FAM168B: variants seen among roughly 807,000 people sequenced by gnomAD.
FAM168B encodes the protein myelin-associated neurite-outgrowth inhibitor.
FAM168B carries 19 observed loss-of-function variants against 21.8 expected under a neutral mutation model. The ratio of observed to expected loss-of-function variants is 0.87; its 90% CI spans 0.61 to 1.28. The LOEUF (loss-of-function observed/expected upper bound fraction) is 1.28. Among genes scored for constraint, FAM168B ranks in the 50% most tolerant of loss-of-function variants. The probability of loss-of-function intolerance (pLI) is 0.00; values close to 1 mark genes in which losing one functional copy is unlikely to be tolerated. For synonymous variants in FAM168B, 126 were observed against 104.8 expected (o/e 1.20, Z -1.24); for missense variants, 233 against 263.1 (o/e 0.89, Z 0.79).
chr2:131,066,229 G>A (rs933585064), intron 3 of FAM168B, among the ~76,000 whole-genome samples: 2 of 150,078 alleles, frequency 1.3e-5, no homozygotes, highest in East Asian at 2.0e-4. Context: ...GCAGTGGTGC[G>A]ATCTCGATCT....
chr2:131,078,805 A>T (rs2105554122), intron 2 of FAM168B, among the ~76,000 whole-genome samples: 1 of 151,754 alleles, frequency 6.6e-6, no homozygotes, highest in South Asian at 2.1e-4. Context: ...ACACAGTGAG[A>T]CCCGATCTCT....
intron 1 of FAM168B, among the ~76,000 whole-genome samples, chr2:131,089,285 T>C (rs573063565): frequency 2.6e-5 from 4 of 151,874 alleles, no homozygotes; most frequent in Non-Finnish European, 4.4e-5. Flanking sequence ...ACATTTTTAG[T>C]TTCCCATTTG....
chr2:131,082,747 C>T, intron 1 of FAM168B, 90 bp from the exon 2 acceptor site: 1 of 748,932 alleles, frequency 1.3e-6, no homozygotes, highest in Non-Finnish European at 2.2e-6. Context: ...AGCTAGAGTC[C>T]TTTCTCTAGG....
intron 3 of FAM168B, among the ~76,000 whole-genome samples, chr2:131,061,001 A>C (rs1195355335): frequency 3.3e-5 from 5 of 150,338 alleles, no homozygotes; most frequent in Admixed American, 6.6e-5. Flanking sequence ...ACAGGCGCCC[A>C]CCACCAAGCC....
In FAM168B at chr2:131,082,610, G is replaced by A; in HGVS notation, c.37C>T (p.Pro13Ser). The change falls in exon 2 of 7, where the codon CCC becomes TCC. Residue 13 changes from proline to serine, a missense_variant. By Grantham distance (74) the Pro-to-Ser change is moderately conservative. Coordinates refer to ENST00000389915, the MANE Select transcript of FAM168B (RefSeq NM_001009993.4). ...PVYSPGSSGVPYANAKGIGYP... is the reference protein window; with the variant it reads ...PVYSPGSSGVSYANAKGIGYP... ...CCAATTCCTTTGGCATTTGCATAGG[G>A]AACCCCAGAAGATCCAGGACTATAA... 2.5e-6 allele frequency: 4 copies of A among 1,609,934 alleles called. No individual in the cohort carries two copies. Among genetic ancestry groups the A allele is most frequent in the Non-Finnish European group, 3.4e-6 (4 of 1,178,540 alleles).
chr2:131,077,712 T>C (rs534099261), intron 2 of FAM168B, among the ~76,000 whole-genome samples: 2 of 152,216 alleles, frequency 1.3e-5, no homozygotes, highest in Admixed American at 1.3e-4. Flanking sequence ...ACATGGGTTT[T>C]GGTGATCTTG....
intron 3 of FAM168B, among the ~76,000 whole-genome samples, chr2:131,058,136 C>T (rs1692116755): frequency 6.6e-6 from 1 of 152,040 alleles, no homozygotes; most frequent in South Asian, 2.1e-4. Context: ...ATATATGTGC[C>T]TGGTCCATAT....
chr2:131,057,179 C>T (rs1692069970), intron 3 of FAM168B, among the ~76,000 whole-genome samples: 1 of 152,234 alleles, frequency 6.6e-6, no homozygotes, highest in Non-Finnish European at 1.5e-5. Flanking sequence ...CAGCAATCCA[C>T]TCCCAAAACT....
rs569879869 is a variant in FAM168B at position 131,052,270 on chromosome 2, C to T, written c.*195G>A. ...CAGGCAGTCCACAAAACAGAATTTG[C>T]TTTAAGACCAACCCACAGAGTCAGC... On this transcript the variant is annotated 3_prime_UTR_variant, in exon 7 of 7. Coordinates refer to ENST00000389915, the MANE Select transcript of FAM168B (RefSeq NM_001009993.4). 7.3e-5 allele frequency: 72 copies of T among 985,796 alleles called. No individual in the cohort carries two copies. The highest frequency in any genetic ancestry group is 8.3e-5 in the Non-Finnish European group (69 of 829,982). 61.1% of individuals were successfully genotyped at this position (985,796 alleles called of 1,614,324 possible).
At chr2:131,079,696 A>C (rs1693336644) in intron 2 of FAM168B, among the ~76,000 whole-genome samples, 1 of 152,130 alleles carries the variant, frequency 6.6e-6, no homozygotes, top group Admixed American at 6.6e-5. Flanking sequence ...TAACCCACCA[A>C]GTTTGTGGTT....
chr2:131,058,762 TAAG>T (rs1371716943), intron 3 of FAM168B, among the ~76,000 whole-genome samples: 2 of 152,194 alleles, frequency 1.3e-5, no homozygotes, highest in Non-Finnish European at 2.9e-5. Flanking sequence ...TCCTCGTCTT[TAAG>T]AAGGCTAAAA....
rs1439218354 is a variant in FAM168B, at chr2:131,050,965, T to G, written c.*1500A>C. 6 of 985,378 alleles carry G rather than the reference T, an allele frequency of 6.1e-6. No homozygotes were observed. In the African/African-American group the frequency reaches 8.7e-5, roughly 14 times the overall value. The allele number at this position is 985,378 out of a possible 1,614,324, so 61.0% of individuals were successfully genotyped here. On this transcript the variant is annotated 3_prime_UTR_variant, in exon 7 of 7. Coordinates refer to ENST00000389915, the MANE Select transcript of FAM168B (RefSeq NM_001009993.4). ...CACTGAGAACCGACATGCACTCTCATGGATACAGGACGGGCATATTTTGGG... is the reference window on the plus strand; with the variant it reads ...CACTGAGAACCGACATGCACTCTCAGGGATACAGGACGGGCATATTTTGGG...
intron 5 of FAM168B, among the ~76,000 whole-genome samples, chr2:131,054,584 G>A (rs981766317): frequency 2.6e-5 from 4 of 152,200 alleles, no homozygotes; most frequent in Non-Finnish European, 4.4e-5. Context: ...GGAGGGAACA[G>A]TACGCTTTTG....
At position 131,055,317 on chromosome 2, in the gene FAM168B, C is replaced by A. The variant is rs1558940814; in HGVS notation, c.430G>T (p.Val144Phe). 1.9e-6 allele frequency: 3 copies of A among 1,585,172 alleles called. No individual in the cohort carries two copies. The highest frequency in any genetic ancestry group is 2.6e-6 in the Non-Finnish European group (3 of 1,170,672). Residue 144 changes from valine (V) to phenylalanine (F), a missense_variant, in exon 5 of 7, where the codon GTC (valine) becomes TTC (phenylalanine). Val to Phe is a conservative substitution (Grantham distance 50). Transcript: ENST00000389915. ...GTCCCAGCCACCATGCCCATGGTGA[C>A]CCCGTTGCCTCTAGGAGGGGGGATG... Reference protein sequence around the residue: ...APIPPPRGNGVTMGMVAGTTM... With the variant: ...APIPPPRGNGFTMGMVAGTTM...
At chr2:131,091,396 A>C (rs1694020201) in intron 1 of FAM168B, among the ~76,000 whole-genome samples, 1 of 151,934 alleles carries the variant, frequency 6.6e-6, no homozygotes, top group Admixed American at 6.6e-5. Flanking sequence ...TGGTGTCTCC[A>C]GCACTTTGGG....
chr2:131,056,067 T>C (rs78081663), intron 3 of FAM168B, among the ~76,000 whole-genome samples: 254 of 152,304 alleles, frequency 1.7e-3, no homozygotes, highest in African/African-American at 5.8e-3. Context: ...AATCCCACAA[T>C]TCCACTTCTA....
Position 131,050,964 on chromosome 2 carries a change from A to G in FAM168B, c.*1501T>C, listed in dbSNP as rs1691634088. ...TCACTGAGAACCGACATGCACTCTC[A>G]TGGATACAGGACGGGCATATTTTGG... On this transcript the variant is annotated 3_prime_UTR_variant, in exon 7 of 7. Transcript: ENST00000389915. 1.0e-5 allele frequency: 10 copies of G among 984,376 alleles called. No homozygotes were observed. The highest frequency in any genetic ancestry group is 4.7e-5 in the South Asian group (1 of 21,274). 61.0% of individuals were successfully genotyped at this position (984,376 alleles called of 1,614,324 possible). A position where few individuals can be genotyped will look rare whatever the true frequency, so the allele number is the denominator to read the frequency against.
rs567670679 is a variant in FAM168B, at chr2:131,051,671, T to C, written c.*794A>G. ...AAGAGAACTGTAATGAAAATTTAGA[T>C]AGCAGAGAAACTGCTTTGCTGACAC... On this transcript the variant is annotated 3_prime_UTR_variant, in exon 7 of 7. Coordinates refer to ENST00000389915, the MANE Select transcript of FAM168B (RefSeq NM_001009993.4). The C allele has an allele frequency of 9.1e-6, 9 of 985,308 alleles. No homozygotes were observed. The highest frequency in any genetic ancestry group is 1.1e-5 in the Non-Finnish European group (9 of 829,908). 61.0% of individuals were successfully genotyped at this position (985,308 alleles called of 1,614,324 possible). A position where few individuals can be genotyped will look rare whatever the true frequency, so the allele number is the denominator to read the frequency against.
intron 3 of FAM168B, among the ~76,000 whole-genome samples, chr2:131,068,126 G>A (rs1217010504): frequency 6.6e-6 from 1 of 152,182 alleles, no homozygotes; most frequent in Non-Finnish European, 1.5e-5. Flanking sequence ...AGGTTAGATG[G>A]ACAACAGCAC....
Sources: allele counts gnomAD v4.1 joint callset (sites outside exome capture counted in the v4.1 genomes callset), GRCh38; gene constraint gnomAD v4.1.1; transcripts MANE v1.5; gene names NCBI Gene and HGNC (gene_info 2026-07-23, HGNC 2026-07-21).